Variants in QTMAN observed in about 807,000 individuals in gnomAD.
The protein encoded by QTMAN is tRNA-queuosine alpha-mannosyltransferase.
chr2:144,028,005 TAACA>T, the QTMAN span, among the ~76,000 whole-genome samples: 423 of 152,328 alleles, frequency 2.8e-3, 3 homozygotes, highest in African/African-American at 9.7e-3. Context: ...CGACCACTTC[TAACA>T]GTTTTAAAAA....
At chr2:144,118,094 C>T in the QTMAN span, among the ~76,000 whole-genome samples, 1 of 152,266 alleles carries the variant, frequency 6.6e-6, no homozygotes, top group East Asian at 1.9e-4. Flanking sequence ...GATCTGCCCA[C>T]CTCGGCCTCC....
chr2:144,198,008 C>T, the QTMAN span, among the ~76,000 whole-genome samples: 1 of 152,112 alleles, frequency 6.6e-6, no homozygotes, highest in Non-Finnish European at 1.5e-5. Flanking sequence ...GGGAGGATAA[C>T]TTGAGGCTAA....
the QTMAN span, among the ~76,000 whole-genome samples, chr2:144,177,845 C>G: frequency 6.6e-6 from 1 of 152,050 alleles, no homozygotes; most frequent in Admixed American, 6.6e-5. Flanking sequence ...AAAACTGAAA[C>G]AGGTAAGATT....
the QTMAN span, among the ~76,000 whole-genome samples, chr2:144,271,549 A>G: frequency 6.6e-6 from 1 of 152,244 alleles, no homozygotes; most frequent in Non-Finnish European, 1.5e-5. Context: ...ACTTTCCTAC[A>G]TAAAGACTGA....
the QTMAN span, among the ~76,000 whole-genome samples, chr2:144,185,900 T>C: frequency 3.9e-5 from 6 of 152,136 alleles, no homozygotes; most frequent in African/African-American, 1.4e-4. Context: ...GCTATAGACA[T>C]AGGAAAGATA....
At chr2:144,005,559 G>A in the QTMAN span, among the ~76,000 whole-genome samples, 59,604 of 151,934 alleles carry the variant, frequency 0.39, 13,008 homozygotes, top group Non-Finnish European at 0.5. Context: ...TACCCGTAAG[G>A]ATGAATGTGT....
chr2:143,948,879 C>G, the QTMAN span, among the ~76,000 whole-genome samples: 1 of 151,960 alleles, frequency 6.6e-6, no homozygotes, highest in East Asian at 1.9e-4. Context: ...CGAAGAGCTC[C>G]CTGTTTTATC....
the QTMAN span, among the ~76,000 whole-genome samples, chr2:144,306,884 G>T: frequency 5.9e-5 from 9 of 152,148 alleles, no homozygotes; most frequent in Middle Eastern, 3.4e-3. Flanking sequence ...ACAAATGGCT[G>T]GGCGCGGTGG....
At chr2:144,066,413 T>G in the QTMAN span, among the ~76,000 whole-genome samples, 1 of 152,224 alleles carries the variant, frequency 6.6e-6, no homozygotes, top group African/African-American at 2.4e-5. Context: ...TAAAGTAATG[T>G]CAGCAACAAA....
chr2:144,308,162 G>GTTTTTTTTTTT, the QTMAN span, among the ~76,000 whole-genome samples: 1 of 110,838 alleles, frequency 9.0e-6, no homozygotes, highest in Non-Finnish European at 1.8e-5. Context: ...ATGATTGGTT[G>GTTTTTTTTTTT]TTTTTTTTTT....
chr2:144,150,380 T>C, the QTMAN span, among the ~76,000 whole-genome samples: 1 of 152,094 alleles, frequency 6.6e-6, no homozygotes, highest in Non-Finnish European at 1.5e-5. Context: ...TGCAGTATTT[T>C]CTATGATGAT....
chr2:144,077,721 T>C, the QTMAN span, among the ~76,000 whole-genome samples: 2 of 152,188 alleles, frequency 1.3e-5, no homozygotes, highest in African/African-American at 2.4e-5. Context: ...AAAAGAATGA[T>C]TGTTATCTTA....
At chr2:144,252,564 C>CT in the QTMAN span, among the ~76,000 whole-genome samples, 1 of 151,988 alleles carries the variant, frequency 6.6e-6, no homozygotes, top group Non-Finnish European at 1.5e-5. Flanking sequence ...AGCTAAAATC[C>CT]AAAACAATAA....
chr2:144,214,166 A>G, the QTMAN span, among the ~76,000 whole-genome samples: 2 of 152,188 alleles, frequency 1.3e-5, no homozygotes, highest in Admixed American at 1.3e-4. Flanking sequence ...GTAAAAATAC[A>G]TTTTGCTAAA....
chr2:144,129,370 G>A, the QTMAN span, among the ~76,000 whole-genome samples: 1 of 151,876 alleles, frequency 6.6e-6, no homozygotes, highest in East Asian at 1.9e-4. Context: ...TTTCAAATGA[G>A]GACTATATTT....
chr2:144,159,097 C>T, the QTMAN span, among the ~76,000 whole-genome samples: 1 of 152,042 alleles, frequency 6.6e-6, no homozygotes, highest in Admixed American at 6.6e-5. Flanking sequence ...AATAGGGATG[C>T]ACAAACTGCA....
the QTMAN span, among the ~76,000 whole-genome samples, chr2:144,233,493 G>A: frequency 6.6e-6 from 1 of 152,190 alleles, no homozygotes; most frequent in South Asian, 2.1e-4. Flanking sequence ...GACTAAGGCT[G>A]CCTGCCTTCC....
the QTMAN span, among the ~76,000 whole-genome samples, chr2:144,326,597 A>AG: frequency 6.6e-6 from 1 of 151,758 alleles, no homozygotes; most frequent in Non-Finnish European, 1.5e-5. Flanking sequence ...AAAAAAAAAA[A>AG]AAAAAAAAAA....
At chr2:144,231,434 C>A in the QTMAN span, among the ~76,000 whole-genome samples, 2 of 151,928 alleles carry the variant, frequency 1.3e-5, no homozygotes, top group African/African-American at 4.8e-5. Context: ...ATAAATTTTT[C>A]TCCATGTTTT....
Sources: gnomAD v4.1 joint callset for allele counts (sites outside exome capture counted in the v4.1 genomes callset) on GRCh38, gnomAD v4.1.1 for gene constraint, MANE v1.5 for transcripts, NCBI Gene and HGNC (gene_info 2026-07-23, HGNC 2026-07-21) for gene names.